Variants in DOK6 observed in about 807,000 individuals in gnomAD.
The protein encoded by DOK6 is downstream of tyrosine kinase 6.
A neutral mutation model predicts 44.0 loss-of-function variants in DOK6; 22 were observed. The observed-to-expected ratio is 0.50, with a 90% CI of 0.36 to 0.71. The LOEUF is 0.71. Ranked by LOEUF, DOK6 falls within the 30% of genes least tolerant of loss-of-function variation. The probability of loss-of-function intolerance (pLI) is 0.00; values close to 1 mark genes in which losing one functional copy is unlikely to be tolerated. For missense variants in DOK6, 340 were observed against 416.4 expected, an observed-to-expected ratio of 0.82 and a Z score of 1.60; for synonymous variants, 166 against 145.5, an observed-to-expected ratio of 1.14 and a Z score of -1.01.
intron 5 of DOK6, among the ~76,000 whole-genome samples, chr18:69,733,797 C>T (rs1223056787): frequency 6.6e-6 from 1 of 152,072 alleles, no homozygotes; most frequent in Non-Finnish European, 1.5e-5. Flanking sequence ...ACTTATCATT[C>T]TTCACTGTAT....
chr18:69,413,645 T>C (rs989462019), intron 1 of DOK6, among the ~76,000 whole-genome samples: 1 of 152,024 alleles, frequency 6.6e-6, no homozygotes, highest in Admixed American at 6.6e-5. Context: ...CATAAAGCTA[T>C]AAAAAATTTT....
At chr18:69,549,138 C>T (rs1483366721) in intron 1 of DOK6, among the ~76,000 whole-genome samples, 1 of 149,926 alleles carries the variant, frequency 6.7e-6, no homozygotes, top group East Asian at 1.9e-4. Context: ...CCTTAACGTG[C>T]CTTAAGTTAA....
chr18:69,791,185 G>A (rs911466480), intron 7 of DOK6, among the ~76,000 whole-genome samples: 2 of 152,046 alleles, frequency 1.3e-5, no homozygotes, highest in Non-Finnish European at 2.9e-5. Context: ...CTAAATCTGG[G>A]TTATTGTCAA....
intron 3 of DOK6, among the ~76,000 whole-genome samples, chr18:69,650,661 A>G (rs777254720): frequency 3.9e-5 from 6 of 152,242 alleles, no homozygotes; most frequent in African/African-American, 9.6e-5. Context: ...CAGTTATGCC[A>G]GAAGAATAAA....
chr18:69,767,495 G>C (rs371622936), intron 7 of DOK6, among the ~76,000 whole-genome samples: 2 of 152,138 alleles, frequency 1.3e-5, no homozygotes, highest in Admixed American at 1.3e-4. Context: ...TCCAACCCAA[G>C]GTTTGCAGAA....
At chr18:69,717,224 G>T (rs1393428463) in intron 5 of DOK6, among the ~76,000 whole-genome samples, 1 of 151,934 alleles carries the variant, frequency 6.6e-6, no homozygotes, top group African/African-American at 2.4e-5. Flanking sequence ...ATATTTCTGG[G>T]TTTTAATATC....
intron 7 of DOK6, among the ~76,000 whole-genome samples, chr18:69,788,686 T>C (rs903049963): frequency 2.0e-5 from 3 of 152,158 alleles, no homozygotes; most frequent in Non-Finnish European, 2.9e-5. Flanking sequence ...AATGTGTAAA[T>C]TGTAATCATA....
chr18:69,638,649 G>A (rs1198071394), intron 3 of DOK6, among the ~76,000 whole-genome samples: 3 of 152,116 alleles, frequency 2.0e-5, no homozygotes, highest in African/African-American at 4.8e-5. Context: ...TTGGCTTGTG[G>A]TGCTTGTAGT....
At chr18:69,644,472 A>G (rs887100135) in intron 3 of DOK6, among the ~76,000 whole-genome samples, 1 of 152,180 alleles carries the variant, frequency 6.6e-6, no homozygotes, top group East Asian at 1.9e-4. Context: ...TATCCTGCCT[A>G]TGGATGTCCA....
chr18:69,505,359 T>C (rs1398814814), intron 1 of DOK6, among the ~76,000 whole-genome samples: 2 of 152,136 alleles, frequency 1.3e-5, no homozygotes, highest in African/African-American at 2.4e-5. Flanking sequence ...ACTTGTTTCC[T>C]GTGTGAAGCT....
chr18:69,449,901 C>T (rs1277335937), intron 1 of DOK6, among the ~76,000 whole-genome samples: 2 of 149,954 alleles, frequency 1.3e-5, no homozygotes, highest in African/African-American at 4.9e-5. Flanking sequence ...ACACCGAAAA[C>T]CCATCTGTAC....
intron 1 of DOK6, among the ~76,000 whole-genome samples, chr18:69,472,992 T>C (rs1980159011): frequency 6.6e-6 from 1 of 152,246 alleles, no homozygotes; most frequent in African/African-American, 2.4e-5. Context: ...CTTCCCTTGT[T>C]TCATAGCAGT....
At chr18:69,801,056 C>T (rs1032407399) in intron 7 of DOK6, among the ~76,000 whole-genome samples, 1 of 151,662 alleles carries the variant, frequency 6.6e-6, no homozygotes, top group Non-Finnish European at 1.5e-5. Context: ...TGGGTATAAA[C>T]ATATGCCCAG....
intron 2 of DOK6, among the ~76,000 whole-genome samples, chr18:69,569,942 G>T (rs897692063): frequency 6.6e-6 from 1 of 151,972 alleles, no homozygotes; most frequent in Non-Finnish European, 1.5e-5. Context: ...TGCAGGAACA[G>T]AAAAACCATA....
chr18:69,823,942 C>A (rs1981652676), intron 7 of DOK6, among the ~76,000 whole-genome samples: 1 of 152,140 alleles, frequency 6.6e-6, no homozygotes, highest in Non-Finnish European at 1.5e-5. Flanking sequence ...AAGTTATAAT[C>A]ATTAGATGAT....
At chr18:69,500,389 T>G (rs1266098900) in intron 1 of DOK6, among the ~76,000 whole-genome samples, 6 of 152,172 alleles carry the variant, frequency 3.9e-5, no homozygotes, top group Non-Finnish European at 8.8e-5. Context: ...CTTTCATATG[T>G]CACCTTCTCA....
intron 1 of DOK6, among the ~76,000 whole-genome samples, chr18:69,462,112 T>C (rs1373710514): frequency 6.6e-6 from 1 of 152,268 alleles, no homozygotes; most frequent in Non-Finnish European, 1.5e-5. Context: ...GATATCTTCC[T>C]TGAAATTCCA....
chr18:69,579,698 G>A (rs1983319751), intron 2 of DOK6, among the ~76,000 whole-genome samples: 1 of 152,038 alleles, frequency 6.6e-6, no homozygotes, highest in African/African-American at 2.4e-5. Flanking sequence ...CGAGTAGCTG[G>A]AATTACAGGC....
chr18:69,455,324 C>T (rs1979604410), intron 1 of DOK6, among the ~76,000 whole-genome samples: 3 of 152,052 alleles, frequency 2.0e-5, no homozygotes, highest in South Asian at 2.1e-4. Context: ...TGCAAAATAA[C>T]ACTGAAAGGC....
Sources: allele counts gnomAD v4.1 joint callset (sites outside exome capture counted in the v4.1 genomes callset), GRCh38; gene constraint gnomAD v4.1.1; transcripts MANE v1.5; gene names NCBI Gene and HGNC (gene_info 2026-07-23, HGNC 2026-07-21).